DLGAP2: variants seen among roughly 807,000 people sequenced by gnomAD.
DLGAP2 encodes the protein disks large-associated protein 2.
Under a neutral mutation model 100.3 loss-of-function variants are expected in DLGAP2, and 26 were observed. The ratio of observed to expected loss-of-function variants is 0.26; its 90% CI spans 0.19 to 0.36. DLGAP2 has a LOEUF of 0.36. Among genes scored for constraint, DLGAP2 ranks in the 10% least tolerant of loss-of-function variants. The probability of loss-of-function intolerance (pLI) is 1.00; values close to 1 mark genes in which losing one functional copy is unlikely to be tolerated. For missense variants in DLGAP2, 1,858 were observed against 1,453.2 expected (o/e 1.28, Z -4.53); for synonymous variants, 886 against 630.1 (o/e 1.41, Z -6.08).
chr8:1,048,754 T>C (rs1030011066), intron 2 of DLGAP2, among the ~76,000 whole-genome samples: 10 of 151,998 alleles, frequency 6.6e-5, no homozygotes, highest in African/African-American at 1.4e-4. Context: ...TCCCCACATC[T>C]GCCGCCGAAG....
rs1563043505 is a variant in DLGAP2, at chr8:1,255,061, A to ATCCTGCTTGGGCGCTGTGTGTGTGTCTTC, written c.74-3784_74-3783insTTGGGCGCTGTGTGTGTGTCTTCTCCTGC. Among the ~76,000 whole-genome samples, 113 of 73,788 alleles carry ATCCTGCTTGGGCGCTGTGTGTGTGTCTTC rather than the reference A, an allele frequency of 1.5e-3. 9 individuals carry two copies. Among genetic ancestry groups the ATCCTGCTTGGGCGCTGTGTGTGTGTCTTC allele is most frequent in the African/African-American group, 6.1e-3 (107 of 17,514 alleles). The allele number at this position is 73,788 out of a possible 152,430, so 48.4% of individuals were successfully genotyped here. A position where few individuals can be genotyped will look rare whatever the true frequency, so the allele number is the denominator to read the frequency against. On this transcript the variant is annotated intron_variant, in intron 2 of 14. Transcript: ENST00000637795. ...CCAGCCGCTGTGTGTGTGTCCTCTC[A>ATCCTGCTTGGGCGCTGTGTGTGTGTCTTC]TCCTGCCCGGCCGCTGTGTGTGTGT...
At chr8:1,481,013 A>G (rs950227131) in intron 3 of DLGAP2, among the ~76,000 whole-genome samples, 3 of 151,818 alleles carry the variant, frequency 2.0e-5, no homozygotes, top group African/African-American at 7.3e-5. Context: ...TCTACTAAAA[A>G]TACAAAAAAT....
At position 1,350,253 on chromosome 8, in the gene DLGAP2, C is replaced by T. The variant is rs1422405640; in HGVS notation, c.106+91370C>T. Reference sequence around the variant, plus strand: ...GTGTGCGTGGAAAGGCCGTGCGGGTCCTGAGCATGTGTGGAACGGCCGTGC... The same window carrying T: ...GTGTGCGTGGAAAGGCCGTGCGGGTTCTGAGCATGTGTGGAACGGCCGTGC... On this transcript the variant is annotated intron_variant, in intron 3 of 14. Transcript: ENST00000637795. 2.0e-5 allele frequency among the ~76,000 whole-genome samples: 2 copies of T among 98,320 alleles called. 1 individual carries two copies. Among genetic ancestry groups the T allele is most frequent in the African/African-American group, 7.5e-5 (2 of 26,630 alleles). The allele number at this position is 98,320 out of a possible 152,430, so 64.5% of individuals were successfully genotyped here.
chr8:998,886 AGG>A (rs1800862209), intron 2 of DLGAP2, among the ~76,000 whole-genome samples: 1 of 152,108 alleles, frequency 6.6e-6, no homozygotes, highest in South Asian at 2.1e-4. Context: ...TCTCCAGTGC[AGG>A]GGCCTGGGTT....
At chr8:1,350,348 C>G (rs1327824900) in intron 3 of DLGAP2, among the ~76,000 whole-genome samples, 5 of 63,990 alleles carry the variant, frequency 7.8e-5, no homozygotes, top group Admixed American at 2.1e-4. Flanking sequence ...CGGGTCCTGA[C>G]AGTGTGTGGA....
chr8:1,637,910 A>T (rs1585020341), intron 8 of DLGAP2, among the ~76,000 whole-genome samples: 1 of 152,192 alleles, frequency 6.6e-6, no homozygotes, highest in Non-Finnish European at 1.5e-5. Context: ...TTCCGCCTGC[A>T]GGAAGAGTTG....
chr8:1,486,090 C>T (rs1021990210), intron 3 of DLGAP2, among the ~76,000 whole-genome samples: 5 of 152,166 alleles, frequency 3.3e-5, no homozygotes, highest in African/African-American at 9.7e-5. Flanking sequence ...GATCTCTGCT[C>T]GCGTCCCGTG....
At chr8:1,578,136 T>G (rs1233416832) in intron 6 of DLGAP2, among the ~76,000 whole-genome samples, 2 of 152,208 alleles carry the variant, frequency 1.3e-5, no homozygotes, top group Non-Finnish European at 2.9e-5. Flanking sequence ...CAAAAGAGCT[T>G]CCCAGCAGGA....
intron 4 of DLGAP2, among the ~76,000 whole-genome samples, chr8:1,516,819 C>T (rs893562988): frequency 6.6e-6 from 1 of 152,222 alleles, no homozygotes; most frequent in Non-Finnish European, 1.5e-5. Context: ...GAGTGAAAGG[C>T]ACAATCAGGC....
chr8:1,668,894 C>T (rs1798617249), intron 9 of DLGAP2, among the ~76,000 whole-genome samples: 1 of 152,186 alleles, frequency 6.6e-6, no homozygotes, highest in South Asian at 2.1e-4. Context: ...GACCCCAGTG[C>T]AGGGCTGAAG....
chr8:1,698,705 A>T, intron 14 of DLGAP2, among the ~76,000 whole-genome samples: 1 of 59,032 alleles, frequency 1.7e-5, no homozygotes, highest in South Asian at 6.9e-4. Context: ...GCAGGTCCAC[A>T]TAAGCCATGC....
intron 2 of DLGAP2, among the ~76,000 whole-genome samples, chr8:1,027,575 T>G (rs560576039): frequency 2.0e-5 from 3 of 149,904 alleles, no homozygotes; most frequent in African/African-American, 7.4e-5. Flanking sequence ...GCGCCCGTTA[T>G]TCTCCAGGTG....
intron 1 of DLGAP2, among the ~76,000 whole-genome samples, chr8:822,901 A>G (rs1206642525): frequency 6.6e-6 from 1 of 152,040 alleles, no homozygotes; most frequent in Non-Finnish European, 1.5e-5. Context: ...CAGATTGGAG[A>G]GGAGGGTTTT....
At chr8:869,545 TAAAAGC>T (rs1797558806) in intron 1 of DLGAP2, among the ~76,000 whole-genome samples, 1 of 152,236 alleles carries the variant, frequency 6.6e-6, no homozygotes, top group East Asian at 1.9e-4. Flanking sequence ...TTAATCACTT[TAAAAGC>T]TCTCAAACAT....
At chr8:836,493 T>A (rs1796878624) in intron 1 of DLGAP2, among the ~76,000 whole-genome samples, 2 of 152,108 alleles carry the variant, frequency 1.3e-5, no homozygotes, top group South Asian at 4.1e-4. Context: ...GCTCCTGAGA[T>A]CTCCTGGCAA....
chr8:1,417,804 C>A (rs555861970), intron 3 of DLGAP2, among the ~76,000 whole-genome samples: 10 of 150,504 alleles, frequency 6.6e-5, no homozygotes, highest in Admixed American at 6.6e-4. Flanking sequence ...AATGTCTCCA[C>A]AAATGCAGCT....
At chr8:1,365,577 T>C (rs1041952998) in intron 3 of DLGAP2, among the ~76,000 whole-genome samples, 3 of 152,148 alleles carry the variant, frequency 2.0e-5, no homozygotes, top group African/African-American at 7.2e-5. Context: ...ATAAAATAAT[T>C]CTTGCCACAC....
At chr8:1,441,619 C>T (rs913533444) in intron 3 of DLGAP2, among the ~76,000 whole-genome samples, 58 of 141,810 alleles carry the variant, frequency 4.1e-4, no homozygotes, top group South Asian at 4.5e-4. Context: ...GCCCAGGAGG[C>T]GGAGGTTGCA....
intron 4 of DLGAP2, among the ~76,000 whole-genome samples, chr8:1,519,358 C>G (rs571949012): frequency 3.9e-5 from 6 of 152,292 alleles, no homozygotes; most frequent in African/African-American, 1.4e-4. Context: ...AACAGTAGCT[C>G]CAGGTTCACT....
Sources: allele counts gnomAD v4.1 joint callset (sites outside exome capture counted in the v4.1 genomes callset), GRCh38; gene constraint gnomAD v4.1.1; transcripts MANE v1.5; gene names NCBI Gene and HGNC (gene_info 2026-07-23, HGNC 2026-07-21).